The following ITGB7 variants were observed in gnomAD, a reference collection of about 807,000 sequenced individuals.
ITGB7 encodes integrin beta-7.
A neutral mutation model predicts 83.4 loss-of-function variants in ITGB7; 55 were observed. That is an observed-to-expected ratio of 0.66 (90% CI 0.53 to 0.83). The LOEUF is 0.83. ITGB7 is among the 40% of genes least tolerant of loss of function. The pLI is 0.00. For synonymous variants in ITGB7, 454 were observed against 423.6 expected, an observed-to-expected ratio of 1.07 and a Z score of -0.88; for missense variants, 921 against 1,046.7, an observed-to-expected ratio of 0.88 and a Z score of 1.66.
chr12:53,204,726 G>A (rs571254862), intron 1 of ITGB7, among the ~76,000 whole-genome samples: 1 of 151,594 alleles, frequency 6.6e-6, no homozygotes, highest in African/African-American at 2.4e-5. Flanking sequence ...AAATCAAAAA[G>A]TTAAATAAGA....
Position 53,197,857 on chromosome 12 carries a change from G to GGCTCCTCCA in ITGB7, c.287_295dup (p.Leu96_Glu98dup), listed in dbSNP as rs763513891. 8 of 1,533,008 alleles carry GGCTCCTCCA rather than the reference G, an allele frequency of 5.2e-6. No homozygotes were observed. Among genetic ancestry groups the GGCTCCTCCA allele is most frequent in the East Asian group, 2.5e-5 (1 of 40,664 alleles). 95.0% of individuals were successfully genotyped at this position (1,533,008 alleles called of 1,614,324 possible). A position where few individuals can be genotyped will look rare whatever the true frequency, so the allele number is the denominator to read the frequency against. On this transcript the variant is annotated inframe_insertion, in exon 4 of 16. Transcript: ENST00000267082. ...CTGCAGCACCTCCTGCTGGCCGCGG[G>GGCTCCTCCA]GCTCCTCCAGCTCCTCCAGCGGGCA...
chr12:53,192,222 G>A (rs1186975559), intron 14 of ITGB7, 108 bp downstream of exon 14: 1 of 1,309,038 alleles, frequency 7.6e-7, no homozygotes, highest in Non-Finnish European at 1.1e-6. Flanking sequence ...TGGATTCACA[G>A]TTCTGCTTCA....
chr12:53,194,683 G>A (rs1685418197), intron 9 of ITGB7: 2 of 228,852 alleles, frequency 8.7e-6, no homozygotes, highest in South Asian at 8.8e-5. Flanking sequence ...CAGGTCTAAA[G>A]GGCAGATTCA....
chr12:53,200,096 C>T, intron 3 of ITGB7, 147 bp downstream of exon 3: 1 of 698,814 alleles, frequency 1.4e-6, no homozygotes, highest in Non-Finnish European at 2.4e-6. Flanking sequence ...CCTATGTGCA[C>T]AAACTCAGTC....
intron 1 of ITGB7, among the ~76,000 whole-genome samples, chr12:53,204,081 A>G (rs1480639050): frequency 6.6e-6 from 1 of 152,208 alleles, no homozygotes; most frequent in Non-Finnish European, 1.5e-5. Flanking sequence ...ATTTGGCCAT[A>G]AAAAGCAATG....
At chr12:53,198,001 G>T in intron 3 of ITGB7, 50 bp from the exon 4 acceptor site, 1 of 1,470,152 alleles carries the variant, frequency 6.8e-7, no homozygotes, top group African/African-American at 1.4e-5. Context: ...ATAGGCCCTG[G>T]GCCCCGCTCC....
intron 5 of ITGB7, 188 bp downstream of exon 5, chr12:53,197,305 C>T (rs1942197680): frequency 2.9e-6 from 2 of 685,950 alleles, no homozygotes; most frequent in South Asian, 3.3e-5. Context: ...TCTCTTGAGT[C>T]CTCTCCAGCT....
rs765046214 is a variant in ITGB7 at position 53,192,544 on chromosome 12, T to C, written c.1947-6A>G. ...CCCCACACTCTGCACAGTCCCTGTG[T>C]AGTAGATGCCAATAGGTTACCAGCT... On this transcript the variant is annotated splice_polypyrimidine_tract_variant and splice_region_variant and intron_variant, in intron 13 of 15. Coordinates refer to ENST00000267082, the MANE Select transcript of ITGB7 (RefSeq NM_000889.3). 3 of 1,612,822 alleles carry C rather than the reference T, an allele frequency of 1.9e-6. No homozygotes were observed. Among genetic ancestry groups the C allele is most frequent in the Non-Finnish European group, 1.7e-6 (2 of 1,179,316 alleles).
At chr12:53,195,993 A>G (rs1428690427) in intron 7 of ITGB7, 48 bp downstream of exon 7, 3 of 1,601,528 alleles carry the variant, frequency 1.9e-6, no homozygotes, top group Non-Finnish European at 1.7e-6. Flanking sequence ...CTGGAAGGAA[A>G]GAGGTGTGGC....
At chr12:53,192,180 G>T in intron 14 of ITGB7, 150 bp downstream of exon 14, 2 of 1,189,054 alleles carry the variant, frequency 1.7e-6, no homozygotes, top group Non-Finnish European at 1.2e-6. Context: ...CCTTAGCCTC[G>T]TCCACTTGCT....
chr12:53,196,813 AC>A lies in ITGB7; in HGVS notation c.581del (p.Gly194ValfsTer12). The A allele has an allele frequency of 6.3e-7, 1 of 1,595,022 alleles. No homozygotes were observed. The highest frequency in any genetic ancestry group is 8.6e-7 in the Non-Finnish European group (1 of 1,164,636). On this transcript the variant is annotated frameshift_variant, in exon 6 of 16. Coordinates refer to ENST00000267082, the MANE Select transcript of ITGB7 (RefSeq NM_000889.3). LOFTEE classifies it high-confidence loss of function. ...EVTHSVRIGFGSFVDKTVLPF... is the reference protein window; with the variant it reads ...EVTHSVRIGFXSFVDKTVLPF... ...GCAGCACCGTTTTGTCCACAAAGGA[AC>A]CAAAACCTGGGAGAGGAGAGGAATG... is the stretch of plus-strand genomic sequence containing the variant.
rs530712688 is a variant in ITGB7, at chr12:53,200,616, G to A, written c.-3-170C>T. ...TTCAGCAGTTTCTTCAAAATAATGG[G>A]AAGGAGCAGGTATCACGCAAAGGTA... On this transcript the variant is annotated intron_variant, in intron 2 of 15. Coordinates refer to ENST00000267082, the MANE Select transcript of ITGB7 (RefSeq NM_000889.3). 7.2e-5 allele frequency among the ~76,000 whole-genome samples: 11 copies of A among 152,232 alleles called. 2 individuals carry two copies. In the South Asian group the frequency reaches 2.3e-3, roughly 32 times the overall value.
At position 53,197,619 on chromosome 12, in the gene ITGB7, A is replaced by T. The variant is rs770180903; in HGVS notation, c.448T>A (p.Tyr150Asn). 2 of 1,614,068 alleles carry T rather than the reference A, an allele frequency of 1.2e-6. No homozygotes were observed. Among genetic ancestry groups the T allele is most frequent in the Non-Finnish European group, 1.7e-6 (2 of 1,179,960 alleles). ...LQVRFLRAEG[Y>N]PVDLYYLMDL... is the part of the protein sequence containing the mutation. ...ATAAGGTAGTACAGGTCCACCGGGT[A>T]TCCCTCAGCACGAAGGAAGCGGACC... Residue 150 changes from tyrosine to asparagine, a missense_variant, in exon 5 of 16, where the codon TAC (tyrosine) becomes AAC (asparagine). Tyr to Asn is a moderately radical substitution (Grantham distance 143, BLOSUM62 -2). Coordinates refer to ENST00000267082, the MANE Select transcript of ITGB7 (RefSeq NM_000889.3).
chr12:53,195,918 G>A, intron 7 of ITGB7, 123 bp downstream of exon 7: 1 of 1,177,140 alleles, frequency 8.5e-7, no homozygotes, highest in Non-Finnish European at 1.2e-6. Context: ...GGAACTGCTG[G>A]AGAAGATGGC....
chr12:53,192,807 T>G lies in ITGB7; in HGVS notation c.1830A>C (p.Gly610=), dbSNP rs1374824328. The G allele has an allele frequency of 4.3e-6, 7 of 1,614,092 alleles. No homozygotes were observed. In the African/African-American group the frequency reaches 6.7e-5, roughly 15 times the overall value. The change falls in exon 13 of 16, where the codon GGA becomes GGC. Residue 610 remains glycine, a synonymous_variant. Transcript: ENST00000267082. ...AGCGTCCATGCCCACTGCAGAGCCC[T>G]CCCTCGGGACTGATGCAACTGTCCA... ...GDMDSCISPE[G]GLCSGHGRCK...
chr12:53,196,396 T>C (rs1942160450), intron 6 of ITGB7, 183 bp downstream of exon 6: 1 of 1,033,634 alleles, frequency 9.7e-7, no homozygotes, highest in South Asian at 1.7e-5. Flanking sequence ...TACTTGTGAA[T>C]TCGAAAAACA....
At chr12:53,193,643 GAAT>G (rs1239607556) in intron 11 of ITGB7, 62 bp downstream of exon 11, 1 of 1,380,704 alleles carries the variant, frequency 7.2e-7, no homozygotes, top group Admixed American at 2.2e-5. Context: ...AGCAGCGGAG[GAAT>G]ACGGGCCAGG....
chr12:53,197,443 G>T (rs1942203555), intron 5 of ITGB7, 50 bp downstream of exon 5: 10 of 1,605,888 alleles, frequency 6.2e-6, no homozygotes, highest in Non-Finnish European at 8.5e-6. Context: ...GGCTAGGGCA[G>T]TGGTTGAATA....
chr12:53,195,962 G>C, intron 7 of ITGB7, 79 bp downstream of exon 7: 1 of 1,540,028 alleles, frequency 6.5e-7, no homozygotes, highest in Non-Finnish European at 8.9e-7. Context: ...GGTGAGGACT[G>C]TAAGGCTGGG....
Sources: allele counts gnomAD v4.1 joint callset (sites outside exome capture counted in the v4.1 genomes callset), GRCh38; gene constraint gnomAD v4.1.1; transcripts MANE v1.5; gene names NCBI Gene and HGNC (gene_info 2026-07-23, HGNC 2026-07-21).